The following IGF2BP1 variants were observed in gnomAD, a reference collection of about 807,000 sequenced individuals.
The protein encoded by IGF2BP1 is insulin-like growth factor 2 mRNA-binding protein 1.
IGF2BP1 carries 11 observed loss-of-function variants against 74.9 expected under a neutral mutation model. That is an observed-to-expected ratio of 0.15 (90% CI 0.09 to 0.24). IGF2BP1 has a LOEUF of 0.24. Among genes scored for constraint, IGF2BP1 ranks in the 10% least tolerant of loss-of-function variants. The pLI is 1.00. For synonymous variants in IGF2BP1, 287 were observed against 281.8 expected (o/e 1.02, Z -0.18); for missense variants, 440 against 757.4 (o/e 0.58, Z 4.92).
At position 49,049,559 on chromosome 17, in the gene IGF2BP1, A is replaced by G. The variant is rs1439963075; in HGVS notation, c.*115A>G. 3.6e-6 allele frequency: 3 copies of G among 829,832 alleles called. No homozygotes were observed. The Admixed American group carries it at 6.7e-5, about 19-fold the overall frequency. The allele number at this position is 829,832 out of a possible 1,614,324, so 51.4% of individuals were successfully genotyped here. A position where few individuals can be genotyped will look rare whatever the true frequency, so the allele number is the denominator to read the frequency against. ...ATCCGGGACACCTGGGCCGGGCTGT[A>G]GATCAGGTTTGCCCACTTGATTGAG... On this transcript the variant is annotated 3_prime_UTR_variant, in exon 15 of 15. Coordinates refer to ENST00000290341, the MANE Select transcript of IGF2BP1 (RefSeq NM_006546.4).
Position 49,026,643 on chromosome 17 carries a change from TCCTG to T in IGF2BP1, c.337+134_337+137del, listed in dbSNP as rs1406345741. On this transcript the variant is annotated intron_variant, in intron 4 of 14. Coordinates refer to ENST00000290341, the MANE Select transcript of IGF2BP1 (RefSeq NM_006546.4). ...TTCCTTCCTTCCTTCCTGCCTTCCT[TCCTG>T]CCTGCCTTCCTGCCTTCCTGCCTTC... 8.9e-5 allele frequency: 49 copies of T among 553,618 alleles called. No homozygotes were observed. In the African/African-American group the frequency reaches 9.7e-4, roughly 11 times the overall value. 34.3% of individuals were successfully genotyped at this position (553,618 alleles called of 1,614,324 possible).
At chr17:49,044,742 G>C (rs1185924847) in intron 11 of IGF2BP1, among the ~76,000 whole-genome samples, 1 of 152,258 alleles carries the variant, frequency 6.6e-6, no homozygotes, top group Non-Finnish European at 1.5e-5. Context: ...ATTGGTAGGT[G>C]GAGGGGGCAG....
intron 4 of IGF2BP1, among the ~76,000 whole-genome samples, chr17:49,030,173 G>A (rs866614748): frequency 4.4e-5 from 6 of 137,142 alleles, no homozygotes; most frequent in South Asian, 2.3e-4. Flanking sequence ...ATAGAGTCTC[G>A]CTTTGTCACC....
intron 2 of IGF2BP1, among the ~76,000 whole-genome samples, chr17:49,008,408 ATATT>A (rs1194531382): frequency 4.6e-5 from 7 of 152,156 alleles, no homozygotes; most frequent in African/African-American, 1.7e-4. Flanking sequence ...CTTCCTCTCT[ATATT>A]TATTACCATT....
chr17:49,020,843 T>C (rs933050490), intron 2 of IGF2BP1, among the ~76,000 whole-genome samples: 28 of 152,104 alleles, frequency 1.8e-4, no homozygotes, highest in African/African-American at 6.0e-4. Context: ...CAAGAAATTA[T>C]TGTCATCCTG....
intron 6 of IGF2BP1, among the ~76,000 whole-genome samples, chr17:49,038,874 A>ATCTTT (rs1491495832): frequency 0.03 from 2,262 of 75,160 alleles, 141 homozygotes; most frequent in African/African-American, 0.12. Flanking sequence ...TCTTTCTTTA[A>ATCTTT]TATTTTTTTT....
intron 2 of IGF2BP1, among the ~76,000 whole-genome samples, chr17:49,007,336 G>C (rs181126890): frequency 1.3e-5 from 2 of 152,250 alleles, no homozygotes; most frequent in East Asian, 3.9e-4. Context: ...CCCTGGTCTG[G>C]AACCAGTTCC....
chr17:48,996,878 T>C (rs376137139), upstream of IGF2BP1, among the ~76,000 whole-genome samples: 1 of 152,038 alleles, frequency 6.6e-6, no homozygotes, highest in African/African-American at 2.4e-5. Flanking sequence ...ACCCCCCCCA[T>C]TTAAACATCT....
chr17:49,032,205 T>C (rs1182370085), intron 5 of IGF2BP1, among the ~76,000 whole-genome samples: 1 of 152,080 alleles, frequency 6.6e-6, no homozygotes, highest in Non-Finnish European at 1.5e-5. Context: ...TCAAGATTGA[T>C]AGCAAAAATA....
intron 4 of IGF2BP1, among the ~76,000 whole-genome samples, chr17:49,030,875 C>T (rs776697580): frequency 3.3e-5 from 5 of 152,136 alleles, no homozygotes; most frequent in South Asian, 2.1e-4. Flanking sequence ...GTGATCTACC[C>T]GCCTTGGCCT....
rs568165386 is a variant in IGF2BP1 at position 49,039,023 on chromosome 17, G to T, written c.683+574G>T. On this transcript the variant is annotated intron_variant, in intron 6 of 14. Coordinates refer to ENST00000290341, the MANE Select transcript of IGF2BP1 (RefSeq NM_006546.4). ...CTCCCGAGTAGCTGGGATTACAGGC[G>T]CGTGCCACCATGCCCAGCTAATTTT... Among the ~76,000 whole-genome samples the T allele has an allele frequency of 6.3e-4, 95 of 151,748 alleles. 1 individual carries two copies. The highest frequency in any genetic ancestry group is 2.2e-3 in the African/African-American group (91 of 41,348).
chr17:49,032,843 TCTCA>T (rs2041941248), intron 5 of IGF2BP1, among the ~76,000 whole-genome samples: 1 of 152,172 alleles, frequency 6.6e-6, no homozygotes, highest in Non-Finnish European at 1.5e-5. Flanking sequence ...TGGAGACAAG[TCTCA>T]CTCTGCCACC....
At position 48,997,714 on chromosome 17, in the gene IGF2BP1, C is replaced by T. The variant is rs772476269; in HGVS notation, c.-32C>T. On this transcript the variant is annotated 5_prime_UTR_variant, in exon 1 of 15. Transcript: ENST00000290341. This position sits in a 1 kb window ranked among gnomAD's most constrained non-coding sequence, Gnocchi z 4.8. Reference sequence around the variant, plus strand: ...CCCGCGCCCGCTCGTTCGGCCTTGCCCGGGACCGCGTCCTGCCCCGAGACC... The same window carrying T: ...CCCGCGCCCGCTCGTTCGGCCTTGCTCGGGACCGCGTCCTGCCCCGAGACC... 6.2e-6 allele frequency: 10 copies of T among 1,603,786 alleles called. No individual in the cohort carries two copies. The highest frequency in any genetic ancestry group is 1.7e-5 in the Admixed American group (1 of 59,392).
At position 49,054,306 on chromosome 17, in the gene IGF2BP1, C is replaced by T. The variant is rs963108899; in HGVS notation, c.*4862C>T. The T allele has an allele frequency of 6.6e-6, 1 of 152,664 alleles. No individual in the cohort carries two copies. The highest frequency in any genetic ancestry group is 2.4e-5 in the African/African-American group (1 of 41,468). 9.5% of individuals were successfully genotyped at this position (152,664 alleles called of 1,614,324 possible). A position where few individuals can be genotyped will look rare whatever the true frequency, so the allele number is the denominator to read the frequency against. On this transcript the variant is annotated 3_prime_UTR_variant, in exon 15 of 15. Transcript: ENST00000290341. ...TCTTGAATGAAATAGCAGGAAGCTC[C>T]TCGGGAGCATGTGTTTTGATTAACC... is the stretch of plus-strand genomic sequence containing the variant.
chr17:49,022,724 T>TTCCCCCA (rs1443736157), intron 2 of IGF2BP1, among the ~76,000 whole-genome samples: 2 of 152,196 alleles, frequency 1.3e-5, no homozygotes, highest in Admixed American at 1.3e-4. Context: ...CCCTTCTCCC[T>TTCCCCCA]TCCCCCATCC....
chr17:49,044,813 C>T (rs2042092285), intron 11 of IGF2BP1, among the ~76,000 whole-genome samples, 178 bp from the exon 12 acceptor site: 1 of 152,216 alleles, frequency 6.6e-6, no homozygotes, highest in South Asian at 2.1e-4. Context: ...CTCTGCCCTC[C>T]TAATAATTCT....
At chr17:49,032,527 T>C (rs2041936676) in intron 5 of IGF2BP1, among the ~76,000 whole-genome samples, 2 of 152,208 alleles carry the variant, frequency 1.3e-5, no homozygotes, top group African/African-American at 4.8e-5. Flanking sequence ...TCTCACTCAC[T>C]GTTACAGACA....
At chr17:49,012,302 T>C (rs577219319) in intron 2 of IGF2BP1, 4 of 152,126 alleles carry the variant, frequency 2.6e-5, no homozygotes, top group Non-Finnish European at 5.9e-5. Context: ...AATAATACAC[T>C]TGAGAGGAAG....
chr17:49,037,396 A>G (rs1453621804), intron 5 of IGF2BP1: 4 of 498,996 alleles, frequency 8.0e-6, no homozygotes, highest in Non-Finnish European at 7.5e-6. Context: ...TGGAATTTCT[A>G]CAAAGAGAAG....
Sources: allele counts gnomAD v4.1 joint callset (sites outside exome capture counted in the v4.1 genomes callset), GRCh38; gene constraint gnomAD v4.1.1; non-coding constraint Gnocchi (gnomAD v3.1); transcripts MANE v1.5; gene names NCBI Gene and HGNC (gene_info 2026-07-23, HGNC 2026-07-21).